The following PRDX4 variants were observed in gnomAD, a reference collection of about 807,000 sequenced individuals.
The protein encoded by PRDX4 is peroxiredoxin 4, also known as peroxiredoxin-4.
A neutral mutation model predicts 20.5 loss-of-function variants in PRDX4; 12 were observed. That is an observed-to-expected ratio of 0.58 (90% CI 0.37 to 0.95). PRDX4 has a LOEUF of 0.95. Ranked by LOEUF, PRDX4 falls within the 40% of genes least tolerant of loss-of-function variation. PRDX4 has a pLI of 0.01. For missense variants in PRDX4, 180 were observed against 207.3 expected (o/e 0.87, Z 0.81); for synonymous variants, 99 against 87.5 (o/e 1.13, Z -0.73).
intron 1 of PRDX4, among the ~76,000 whole-genome samples, chrX:23,669,636 G>C (rs949999825): frequency 8.9e-6 from 1 of 111,867 alleles, no homozygotes; most frequent in East Asian, 2.8e-4. Flanking sequence ...GAACGGAAAG[G>C]CCAGGTGTGG....
At chrX:23,684,949 T>C (rs997592957) in intron 6 of PRDX4, among the ~76,000 whole-genome samples, 2 of 112,321 alleles carry the variant, frequency 1.8e-5, no homozygotes, top group African/African-American at 6.5e-5. Context: ...AGTGAGTCTG[T>C]TGAAAGAACG....
At chrX:23,672,711 T>C (rs918419671) in intron 2 of PRDX4, among the ~76,000 whole-genome samples, 13 of 112,004 alleles carry the variant, frequency 1.2e-4, no homozygotes, top group African/African-American at 4.2e-4. Flanking sequence ...ACTGTGCCTT[T>C]TTCCATTAGG....
Position 23,676,418 on chromosome X carries a change from T to A in PRDX4, c.476+1312T>A, listed in dbSNP as rs1038888053. ...AGACAAACCTTCCCAAATACTTAAG[T>A]AGTTCTAATATGCCAAATTCTCTTA... On this transcript the variant is annotated intron_variant, in intron 3 of 6. Coordinates refer to ENST00000379341, the MANE Select transcript of PRDX4 (RefSeq NM_006406.2). Among the ~76,000 whole-genome samples, 5 of 111,153 alleles carry A rather than the reference T, an allele frequency of 4.5e-5. No individual in the cohort carries two copies. The Admixed American group carries it at 4.9e-4, about 11-fold the overall frequency.
At chrX:23,685,613 A>C (rs1191758985) in intron 6 of PRDX4, among the ~76,000 whole-genome samples, 2 of 111,000 alleles carry the variant, frequency 1.8e-5, no homozygotes, top group Non-Finnish European at 3.8e-5. Flanking sequence ...TCAATTACAA[A>C]AGTTACAATA....
chrX:23,667,702 C>T lies in PRDX4; in HGVS notation c.132C>T (p.Pro44=), dbSNP rs751359033. The change falls in exon 1 of 7, where the codon CCC becomes CCT. Residue 44 remains proline (P), a synonymous_variant. Coordinates refer to ENST00000379341, the MANE Select transcript of PRDX4 (RefSeq NM_006406.2). ...AGGGCTGGGAGACAGAGGAGAGGCCCCGGACTCGCGAAGAGGAGTGCCACT... is the reference window on the plus strand; with the variant it reads ...AGGGCTGGGAGACAGAGGAGAGGCCTCGGACTCGCGAAGAGGAGTGCCACT... ...AVQGWETEER[P]RTREEECHFY... is the part of the protein sequence containing the mutation. The T allele has an allele frequency of 1.6e-5, 19 of 1,209,889 alleles. No homozygotes were observed. The highest frequency in any genetic ancestry group is 2.1e-5 in the Non-Finnish European group (19 of 895,034).
In PRDX4 at chrX:23,686,340, T is replaced by C. The variant is rs899309778; in HGVS notation, c.*5T>C. The stretch of plus-strand genomic sequence containing the variant: ...TATTTCGATAAACTGAATTGAGAAA[T>C]ACTTCTTCAAGTTATGATGCTTGAA... On this transcript the variant is annotated 3_prime_UTR_variant, in exon 7 of 7. Coordinates refer to ENST00000379341, the MANE Select transcript of PRDX4 (RefSeq NM_006406.2). 1 of 1,169,440 alleles carries C rather than the reference T, an allele frequency of 8.6e-7. No homozygotes were observed.
chrX:23,676,261 A>G (rs1927946985), intron 3 of PRDX4, among the ~76,000 whole-genome samples: 1 of 110,429 alleles, frequency 9.1e-6, no homozygotes, highest in Non-Finnish European at 1.9e-5. Flanking sequence ...CTGTGTGTGT[A>G]TAACAAATTT....
rs1263977579 is a variant in PRDX4, at chrX:23,683,714, A to G, written c.765+9A>G. 8.4e-7 allele frequency: 1 copy of G among 1,193,863 alleles called. No individual in the cohort carries two copies. The highest frequency in any genetic ancestry group is 1.1e-6 in the Non-Finnish European group (1 of 886,845). ...AACCTGGTAGTGAAACAGTAAGTAT[A>G]TATATATGTTTTTATGTTGAGTTGA... On this transcript the variant is annotated intron_variant, in intron 6 of 6. Transcript: ENST00000379341.
At chrX:23,678,325 C>A (rs954398149) in intron 3 of PRDX4, among the ~76,000 whole-genome samples, 3 of 107,455 alleles carry the variant, frequency 2.8e-5, no homozygotes, top group Non-Finnish European at 5.7e-5. Context: ...ATCTGTGTAT[C>A]CATACATTAA....
chrX:23,677,992 G>C (rs5970772), intron 3 of PRDX4, among the ~76,000 whole-genome samples: 10,778 of 112,086 alleles, frequency 0.096, 481 homozygotes, highest in East Asian at 0.34. Flanking sequence ...CACAGCCCCA[G>C]CCGGGCACAG....
Position 23,667,515 on chromosome X carries a change from G to T in PRDX4, c.-56G>T. 1 of 1,127,851 alleles carries T rather than the reference G, an allele frequency of 8.9e-7. No homozygotes were observed. The highest frequency in any genetic ancestry group is 1.2e-6 in the Non-Finnish European group (1 of 856,788). 92.9% of individuals were successfully genotyped at this position (1,127,851 alleles called of 1,213,427 possible). On this transcript the variant is annotated 5_prime_UTR_variant, in exon 1 of 7. Coordinates refer to ENST00000379341, the MANE Select transcript of PRDX4 (RefSeq NM_006406.2). ...GTCGTGCACGCGGTTGTAGCTGCCC[G>T]GCGGCGGCAGAAGCGGCGCTCGCGC...
intron 1 of PRDX4, among the ~76,000 whole-genome samples, chrX:23,670,239 A>G (rs982069425): frequency 8.9e-6 from 1 of 112,014 alleles, no homozygotes; most frequent in African/African-American, 3.2e-5. Flanking sequence ...CCAGTATGCT[A>G]AAATCATTAA....
intron 5 of PRDX4, among the ~76,000 whole-genome samples, chrX:23,682,853 A>AAAAAAAAAAAAAAAAT (rs1555933130): frequency 6.7e-5 from 1 of 14,878 alleles, no homozygotes; most frequent in African/African-American, 2.2e-4. Context: ...AAAAAAAAAA[A>AAAAAAAAAAAAAAAAT]ATATATATAT....
intron 1 of PRDX4, among the ~76,000 whole-genome samples, chrX:23,669,413 T>C (rs1927800020): frequency 8.9e-6 from 1 of 112,158 alleles, no homozygotes; most frequent in South Asian, 3.7e-4. Flanking sequence ...ACTTAACATT[T>C]TAGTTGTTTA....
chrX:23,671,753 G>A, intron 2 of PRDX4, 107 bp downstream of exon 2: 1 of 542,933 alleles, frequency 1.8e-6, no homozygotes. Context: ...AAAAAGGCAA[G>A]CTGAAGTAAA....
chrX:23,671,425 G>A (rs1182825442), intron 1 of PRDX4, 104 bp from the exon 2 acceptor site: 2 of 610,410 alleles, frequency 3.3e-6, no homozygotes, highest in East Asian at 3.5e-5. Context: ...CTGCCAAAGA[G>A]ATCTAAAGGT....
At chrX:23,668,018 A>T (rs755711123) in intron 1 of PRDX4, among the ~76,000 whole-genome samples, 1 of 112,038 alleles carries the variant, frequency 8.9e-6, no homozygotes, top group East Asian at 2.8e-4. Context: ...ATCAGATTTT[A>T]GAAGAGGTAG....
chrX:23,680,039 C>G (rs991068959), intron 4 of PRDX4, among the ~76,000 whole-genome samples: 2 of 112,525 alleles, frequency 1.8e-5, no homozygotes, highest in African/African-American at 6.4e-5. Context: ...CTTTAAACTA[C>G]TAAACTTAAA....
At chrX:23,682,275 G>A (rs1478545635) in intron 4 of PRDX4, 121 bp from the exon 5 acceptor site, 2 of 342,572 alleles carry the variant, frequency 5.8e-6, no homozygotes, top group African/African-American at 5.7e-5. Context: ...GTATACCATT[G>A]GAGTAGGTAG....
Sources: gnomAD v4.1 joint callset for allele counts (sites outside exome capture counted in the v4.1 genomes callset) on GRCh38, gnomAD v4.1.1 for gene constraint, MANE v1.5 for transcripts, NCBI Gene and HGNC (gene_info 2026-07-23, HGNC 2026-07-21) for gene names.